Variants in F8 observed in about 807,000 individuals in gnomAD.
F8 encodes the protein coagulation factor VIII.
F8 carries 12 observed loss-of-function variants against 140.6 expected under a neutral mutation model. That is an observed-to-expected ratio of 0.09 (90% CI 0.05 to 0.14). The LOEUF (loss-of-function observed/expected upper bound fraction) is 0.14, where lower values mean the gene tolerates loss of function less well. F8 is among the 10% of genes least tolerant of loss of function. The probability of loss-of-function intolerance (pLI) is 1.00; values close to 1 mark genes in which losing one functional copy is unlikely to be tolerated. For synonymous variants in F8, 585 were observed against 614.6 expected, an observed-to-expected ratio of 0.95 and a Z score of 0.71; for missense variants, 1,354 against 1,720.7, an observed-to-expected ratio of 0.79 and a Z score of 3.77.
In F8 at chrX:154,966,592, G is replaced by GATC; in HGVS notation, c.1102_1104dup (p.Asp368dup). The GATC allele has an allele frequency of 1.7e-6, 2 of 1,211,096 alleles. No homozygotes were observed. Among genetic ancestry groups the GATC allele is most frequent in the Non-Finnish European group, 2.2e-6 (2 of 895,067 alleles). ...ACCACATCCATTTCAGAATCAGTAA[G>GATC]ATCATCATCATAGTCTTCCGCTTCT... On this transcript the variant is annotated inframe_insertion, in exon 8 of 26. Transcript: ENST00000360256.
chrX:154,877,151 AT>A (rs1158424307), intron 22 of F8, among the ~76,000 whole-genome samples: 2 of 112,502 alleles, frequency 1.8e-5, no homozygotes, highest in Non-Finnish European at 3.8e-5. Context: ...TAGGAAGAAT[AT>A]GATCTCTCAG....
intron 14 of F8, among the ~76,000 whole-genome samples, chrX:154,925,326 G>C (rs1303482412): frequency 8.9e-6 from 1 of 112,282 alleles, no homozygotes; most frequent in African/African-American, 3.2e-5. Context: ...GGGCAGTGCA[G>C]AAGGGAAATG....
chrX:154,843,749 A>G (rs1344243491), intron 25 of F8, among the ~76,000 whole-genome samples: 1 of 112,043 alleles, frequency 8.9e-6, no homozygotes, highest in Non-Finnish European at 1.9e-5. Context: ...TCGCCTGTTC[A>G]CTGGGATGGT....
At chrX:154,944,106 T>C (rs1206151613) in intron 13 of F8, among the ~76,000 whole-genome samples, 2 of 111,756 alleles carry the variant, frequency 1.8e-5, no homozygotes, top group African/African-American at 6.5e-5. Flanking sequence ...GACATAGGCA[T>C]GTGCAAGGAC....
intron 10 of F8, 33 bp downstream of exon 10, chrX:154,961,042 T>C: frequency 1.1e-6 from 1 of 950,897 alleles, no homozygotes; most frequent in East Asian, 3.1e-5. Context: ...TATCTACAGG[T>C]AAAAAAGAGC....
intron 25 of F8, among the ~76,000 whole-genome samples, chrX:154,838,873 G>A (rs1251350757): frequency 9.1e-6 from 1 of 110,328 alleles, no homozygotes; most frequent in Non-Finnish European, 1.9e-5. Context: ...CCCAACCCTG[G>A]CTGCTTATTG....
At chrX:154,870,572 A>C (rs2072766126) in intron 22 of F8, among the ~76,000 whole-genome samples, 1 of 111,965 alleles carries the variant, frequency 8.9e-6, no homozygotes, top group Non-Finnish European at 1.9e-5. Flanking sequence ...TATTTATGAC[A>C]AACGCACAGC....
At position 154,966,408 on chromosome X, in the gene F8, T is replaced by G; in HGVS notation, c.1271+18A>C. The G allele has an allele frequency of 1.7e-6, 2 of 1,210,014 alleles. No individual in the cohort carries two copies. The highest frequency in any genetic ancestry group is 1.1e-6 in the Non-Finnish European group (1 of 894,490). On this transcript the variant is annotated intron_variant, in intron 8 of 25. Coordinates refer to ENST00000360256, the MANE Select transcript of F8 (RefSeq NM_000132.4). ...GAGTATGGGGAAGAGAGAGTACCAA[T>G]AGTCAAAAAGTGCTTACCTGTCATC...
In F8 at chrX:154,869,348, T is replaced by G. The variant is rs782729896; in HGVS notation, c.6430-6121A>C. ...AATGGAAATCATAACAAACAGTCTC[T>G]CAGACCACAGTGCAATCAAATTAGA... On this transcript the variant is annotated intron_variant, in intron 22 of 25. Coordinates refer to ENST00000360256, the MANE Select transcript of F8 (RefSeq NM_000132.4). Among the ~76,000 whole-genome samples the G allele has an allele frequency of 2.3e-4, 26 of 111,861 alleles. No homozygotes were observed. In the South Asian group the frequency reaches 9.2e-3, roughly 40 times the overall value.
chrX:154,892,836 A>G (rs1557275265), intron 22 of F8, among the ~76,000 whole-genome samples: 1 of 111,773 alleles, frequency 8.9e-6, no homozygotes, highest in East Asian at 2.8e-4. Flanking sequence ...CATGATGGGA[A>G]AGTGGGGATC....
At chrX:154,864,287 G>A (rs782272355) in intron 22 of F8, among the ~76,000 whole-genome samples, 26 of 112,612 alleles carry the variant, frequency 2.3e-4, no homozygotes, top group Non-Finnish European at 4.3e-4. Flanking sequence ...GCCCACTCAA[G>A]GACCCAGTGA....
At chrX:154,944,884 T>C (rs1367859780) in intron 13 of F8, among the ~76,000 whole-genome samples, 3 of 110,409 alleles carry the variant, frequency 2.7e-5, no homozygotes, top group East Asian at 2.8e-4. Context: ...ATGGATGAAA[T>C]TGGAAATCAT....
intron 25 of F8, among the ~76,000 whole-genome samples, chrX:154,850,233 A>T (rs2072604049): frequency 9.2e-6 from 1 of 109,116 alleles, no homozygotes; most frequent in South Asian, 4.0e-4. Context: ...GGCTCAAGCA[A>T]TTCTTGTGCC....
intron 4 of F8, among the ~76,000 whole-genome samples, chrX:154,990,621 T>C (rs2073582295): frequency 8.9e-6 from 1 of 112,210 alleles, no homozygotes; most frequent in African/African-American, 3.2e-5. Flanking sequence ...GTATGATTTC[T>C]CATATACTGA....
chrX:154,906,651 AG>A, intron 14 of F8, 78 bp from the exon 15 acceptor site: 1 of 979,361 alleles, frequency 1.0e-6, no homozygotes, highest in East Asian at 3.1e-5. Flanking sequence ...TCATTTTCCT[AG>A]GTGCCTGAGA....
chrX:154,957,178 A>G lies in F8; in HGVS notation c.1538-7T>C, dbSNP rs2073369486. On this transcript the variant is annotated splice_polypyrimidine_tract_variant and splice_region_variant and intron_variant, in intron 10 of 25. Coordinates refer to ENST00000360256, the MANE Select transcript of F8 (RefSeq NM_000132.4). ...TCCTTCAAATGTTTTACACCTACCC[A>G]CAAGCAAAACCATAAATAGCTCAAT... 19 of 1,170,363 alleles carry G rather than the reference A, an allele frequency of 1.6e-5. No individual in the cohort carries two copies. The highest frequency in any genetic ancestry group is 2.2e-5 in the Non-Finnish European group (19 of 859,425).
intron 1 of F8, among the ~76,000 whole-genome samples, chrX:155,004,286 A>C (rs1557285924): frequency 1.8e-5 from 2 of 112,304 alleles, no homozygotes; most frequent in African/African-American, 6.5e-5. Flanking sequence ...CAGACAATAA[A>C]AATTAAGGAA....
chrX:155,001,817 T>C (rs2073648077), intron 1 of F8, among the ~76,000 whole-genome samples: 2 of 110,267 alleles, frequency 1.8e-5, no homozygotes, highest in Admixed American at 9.6e-5. Flanking sequence ...GTGCCTGGGG[T>C]GGGAGGATCA....
At chrX:155,018,820 G>T (rs1428460604) in intron 1 of F8, among the ~76,000 whole-genome samples, 1 of 112,338 alleles carries the variant, frequency 8.9e-6, no homozygotes, top group African/African-American at 3.2e-5. Flanking sequence ...ATGCCACTAG[G>T]ACCAAATGGA....
Sources: allele counts gnomAD v4.1 joint callset (sites outside exome capture counted in the v4.1 genomes callset), GRCh38; gene constraint gnomAD v4.1.1; transcripts MANE v1.5; gene names NCBI Gene and HGNC (gene_info 2026-07-23, HGNC 2026-07-21).